Variants in CA5A observed in about 807,000 individuals in gnomAD.
CA5A encodes carbonic anhydrase 5A.
CA5A carries 28 observed loss-of-function variants against 37.1 expected under a neutral mutation model. The ratio of observed to expected loss-of-function variants is 0.75; its 90% CI spans 0.56 to 1.03. The LOEUF is 1.03. CA5A is among the 50% of genes least tolerant of loss of function. The pLI, the probability that CA5A is intolerant of heterozygous loss-of-function variation, is 0.00. For synonymous variants in CA5A, 171 were observed against 158.4 expected, an observed-to-expected ratio of 1.08 and a Z score of -0.60; for missense variants, 444 against 399.9, an observed-to-expected ratio of 1.11 and a Z score of -0.94.
intron 5 of CA5A, 39 bp from the exon 6 acceptor site, chr16:87,891,993 G>C (rs1303944871): frequency 6.7e-6 from 10 of 1,491,698 alleles, no homozygotes; most frequent in Non-Finnish European, 8.9e-6. Context: ...CAGTCCTCAG[G>C]GGAGACTAGG....
intron 6 of CA5A, among the ~76,000 whole-genome samples, chr16:87,891,473 A>G (rs2055712239): frequency 6.6e-6 from 1 of 151,906 alleles, no homozygotes. Context: ...GTCTCAAAAA[A>G]AAAAAAGGAA....
chr16:87,903,615 C>T (rs1401199081), intron 3 of CA5A, among the ~76,000 whole-genome samples: 2 of 152,180 alleles, frequency 1.3e-5, no homozygotes. Flanking sequence ...ATATCACTCC[C>T]TATTTATAAA....
At chr16:87,930,266 T>C (rs1375228271) in intron 1 of CA5A, among the ~76,000 whole-genome samples, 1 of 152,198 alleles carries the variant, frequency 6.6e-6, no homozygotes, top group Non-Finnish European at 1.5e-5. Flanking sequence ...TAACTGCCCC[T>C]GCCCCTTACA....
chr16:87,893,148 T>C, intron 5 of CA5A: 2 of 472,506 alleles, frequency 4.2e-6, no homozygotes, highest in East Asian at 7.3e-5. Context: ...CTTTCTTTCT[T>C]TTTTTTTTCA....
Position 87,901,952 on chromosome 16 carries a change from A to G in CA5A, c.578T>C (p.Leu193Pro). The change falls in exon 5 of 7, where the codon CTG becomes CCG. Residue 193 changes from leucine (L) to proline (P), a missense_variant. Coordinates refer to ENST00000649794, the MANE Select transcript of CA5A (RefSeq NM_001739.2). ...CGGCAAGATGTCCACCAGCCTCTGCAGCGTCTGATGATGGGCCCCGAGCTG... is the reference window on the plus strand; with the variant it reads ...CGGCAAGATGTCCACCAGCCTCTGCGGCGTCTGATGATGGGCCCCGAGCTG... The part of the protein sequence containing the change: ...FLKLGAHHQT[L>P]QRLVDILPEI... The G allele has an allele frequency of 6.2e-7, 1 of 1,613,776 alleles. No individual in the cohort carries two copies. Among genetic ancestry groups the G allele is most frequent in the Non-Finnish European group, 8.5e-7 (1 of 1,179,816 alleles).
chr16:87,929,148 A>G (rs1337275425), intron 1 of CA5A, among the ~76,000 whole-genome samples: 1 of 150,622 alleles, frequency 6.6e-6, no homozygotes, highest in Non-Finnish European at 1.5e-5. Context: ...TCTAGAAAAC[A>G]AGGATAAAGA....
intron 1 of CA5A, among the ~76,000 whole-genome samples, chr16:87,929,884 A>AAAAT (rs1555524436): frequency 2.0e-5 from 3 of 151,502 alleles, no homozygotes; most frequent in Non-Finnish European, 4.4e-5. Flanking sequence ...AAAAAAAAAA[A>AAAAT]AAAAAAAAAA....
intron 3 of CA5A, among the ~76,000 whole-genome samples, chr16:87,903,814 T>G (rs937170820): frequency 1.4e-4 from 22 of 152,166 alleles, no homozygotes; most frequent in African/African-American, 5.1e-4. Flanking sequence ...TGTGATAAAG[T>G]GAATATGGCA....
Position 87,929,676 on chromosome 16 carries a change from T to G in CA5A, c.143-2731A>C, listed in dbSNP as rs568387789. 4.4e-4 allele frequency among the ~76,000 whole-genome samples: 67 copies of G among 151,196 alleles called. 1 individual carries two copies. In the Middle Eastern group the frequency reaches 0.01, roughly 23 times the overall value. ...TCACGAGGTCAGGAGATCGAGACCA[T>G]CCTGGCTAACACCGTGAAACCCGGT... On this transcript the variant is annotated intron_variant, in intron 1 of 6. Coordinates refer to ENST00000649794, the MANE Select transcript of CA5A (RefSeq NM_001739.2).
chr16:87,897,262 GAGGA>G (rs1209993893), intron 5 of CA5A, among the ~76,000 whole-genome samples: 1 of 152,278 alleles, frequency 6.6e-6, no homozygotes, highest in East Asian at 1.9e-4. Flanking sequence ...CGAAGGCAGG[GAGGA>G]GGGGGGACCC....
intron 5 of CA5A, among the ~76,000 whole-genome samples, chr16:87,900,867 A>T (rs1172930403): frequency 6.6e-6 from 1 of 152,264 alleles, no homozygotes; most frequent in East Asian, 1.9e-4. Context: ...AACAAACTTT[A>T]TCATTAGTGA....
At chr16:87,915,674 G>C (rs9928224) in intron 2 of CA5A, among the ~76,000 whole-genome samples, 25 of 115,354 alleles carry the variant, frequency 2.2e-4, no homozygotes, top group African/African-American at 7.8e-4. Context: ...GGGCGACAGA[G>C]CAAGATCCTG....
chr16:87,924,201 C>T (rs116827336), intron 2 of CA5A: 60 of 985,438 alleles, frequency 6.1e-5, no homozygotes, highest in African/African-American at 5.8e-4. Context: ...ACTTTGCTTA[C>T]GTTGGCTGGA....
intron 5 of CA5A, chr16:87,893,063 G>C: frequency 9.2e-7 from 1 of 1,084,388 alleles, no homozygotes; most frequent in Non-Finnish European, 1.4e-6. Flanking sequence ...AGGCCATGCA[G>C]TCTCTCAAGC....
intron 2 of CA5A, among the ~76,000 whole-genome samples, chr16:87,917,320 C>A (rs1597573720): frequency 6.6e-6 from 1 of 152,054 alleles, no homozygotes; most frequent in African/African-American, 2.4e-5. Context: ...CAGGGCTGGG[C>A]CAATCAGAGT....
At chr16:87,934,423 C>G (rs554948160) in intron 1 of CA5A, among the ~76,000 whole-genome samples, 3 of 152,272 alleles carry the variant, frequency 2.0e-5, no homozygotes, top group African/African-American at 7.2e-5. Context: ...ACAAAATTAG[C>G]CGGATGTGGT....
At chr16:87,926,150 C>T (rs1049663499) in intron 2 of CA5A, among the ~76,000 whole-genome samples, 10 of 152,120 alleles carry the variant, frequency 6.6e-5, no homozygotes, top group Non-Finnish European at 1.3e-4. Context: ...AACCAGGAGA[C>T]AGAGGTTGCA....
chr16:87,920,387 A>G (rs1212357018), intron 2 of CA5A, among the ~76,000 whole-genome samples: 1 of 152,176 alleles, frequency 6.6e-6, no homozygotes, highest in East Asian at 1.9e-4. Flanking sequence ...ATCTCAGCTC[A>G]CTGCAACCTC....
At position 87,888,163 on chromosome 16, in the gene CA5A, G is replaced by A; in HGVS notation, c.884C>T (p.Ser295Phe). 2 of 1,613,848 alleles carry A rather than the reference G, an allele frequency of 1.2e-6. No homozygotes were observed. The highest frequency in any genetic ancestry group is 1.7e-6 in the Non-Finnish European group (2 of 1,179,762). Residue 295 changes from serine to phenylalanine, a missense_variant, in exon 7 of 7, where the codon TCC becomes TTC. Transcript: ENST00000649794. The stretch of plus-strand genomic sequence containing the variant: ...TGTGCCCTCATTAGTGGCCTGGAAG[G>A]ACGCCCAGACCTTCCGGTTCATCAA... ...QPLMNRKVWASFQATNEGTRS is the reference protein window; with the variant it reads ...QPLMNRKVWAFFQATNEGTRS
Sources: gnomAD v4.1 joint callset for allele counts (sites outside exome capture counted in the v4.1 genomes callset) on GRCh38, gnomAD v4.1.1 for gene constraint, MANE v1.5 for transcripts, NCBI Gene and HGNC (gene_info 2026-07-23, HGNC 2026-07-21) for gene names.